The following CELF1 variants were observed in gnomAD, a reference collection of about 807,000 sequenced individuals.
The protein encoded by CELF1 is 50 kDa nuclear polyadenylated RNA-binding protein.
A neutral mutation model predicts 61.8 loss-of-function variants in CELF1; 10 were observed. The ratio of observed to expected loss-of-function variants is 0.16; its 90% CI spans 0.10 to 0.27. CELF1 has a LOEUF of 0.27. CELF1 is among the 10% of genes least tolerant of loss of function. The pLI, the probability that CELF1 is intolerant of heterozygous loss-of-function variation, is 1.00. For synonymous variants in CELF1, 236 were observed against 225.1 expected, an observed-to-expected ratio of 1.05 and a Z score of -0.43; for missense variants, 380 against 639.1, an observed-to-expected ratio of 0.59 and a Z score of 4.37.
At chr11:47,550,036 C>T (rs981364072) in intron 1 of CELF1, among the ~76,000 whole-genome samples, 2 of 151,632 alleles carry the variant, frequency 1.3e-5, no homozygotes, top group Admixed American at 6.6e-5. Context: ...AGGCTGGTCT[C>T]GAACTCCTGA....
At chr11:47,478,856 C>T (rs1358085755) in intron 10 of CELF1, 21 bp downstream of exon 10, 3 of 1,597,204 alleles carry the variant, frequency 1.9e-6, no homozygotes, top group Non-Finnish European at 2.6e-6. Context: ...TGCTGCTCCT[C>T]TGCAGCAGTG....
intron 1 of CELF1, among the ~76,000 whole-genome samples, chr11:47,520,038 T>C (rs1039288041): frequency 1.6e-4 from 24 of 148,842 alleles, no homozygotes; most frequent in African/African-American, 4.9e-4. Context: ...GATCTATCAA[T>C]CAAAAAAGCA....
intron 1 of CELF1, among the ~76,000 whole-genome samples, chr11:47,534,885 C>T (rs1456884484): frequency 7.2e-5 from 11 of 152,072 alleles, no homozygotes; most frequent in Admixed American, 7.2e-4. Context: ...CACTCAGTTC[C>T]CTGGAGACCC....
intron 2 of CELF1, among the ~76,000 whole-genome samples, chr11:47,559,072 AT>A (rs1376889199): frequency 7.0e-6 from 1 of 142,760 alleles, no homozygotes; most frequent in Non-Finnish European, 1.5e-5. Context: ...ATATAATAAT[AT>A]AATATATAAT....
chr11:47,528,453 T>A (rs188974634), intron 1 of CELF1, among the ~76,000 whole-genome samples: 1 of 151,938 alleles, frequency 6.6e-6, no homozygotes, highest in Non-Finnish European at 1.5e-5. Context: ...CACATTTTTT[T>A]AAAAAGTTAA....
intron 1 of CELF1, among the ~76,000 whole-genome samples, chr11:47,547,058 T>A: frequency 6.9e-5 from 1 of 14,424 alleles, no homozygotes. Context: ...AAAGCGAAAC[T>A]CCACCTCAAA....
intron 1 of CELF1, among the ~76,000 whole-genome samples, chr11:47,541,271 TCA>T (rs1458113089): frequency 3.1e-5 from 4 of 129,572 alleles, no homozygotes; most frequent in South Asian, 5.6e-4. Flanking sequence ...TCATACATAT[TCA>T]CACAGTCTGC....
chr11:47,479,874 G>A (rs112011619), intron 9 of CELF1, among the ~76,000 whole-genome samples: 224 of 152,064 alleles, frequency 1.5e-3, no homozygotes, highest in African/African-American at 5.0e-3. Context: ...AGAGACCATG[G>A]ATAAGTTTCA....
intron 1 of CELF1, among the ~76,000 whole-genome samples, chr11:47,522,254 GGTGGCTCAA>G (rs761201058): frequency 7.9e-5 from 12 of 151,764 alleles, no homozygotes; most frequent in Non-Finnish European, 1.3e-4. Context: ...GGCCGGGCAT[GGTGGCTCAA>G]GCCTGTAACC....
chr11:47,480,773 G>A (rs915739378), intron 9 of CELF1, among the ~76,000 whole-genome samples: 1 of 152,100 alleles, frequency 6.6e-6, no homozygotes. Context: ...AGTGGTTCAC[G>A]CCTGTAATCC....
intron 1 of CELF1, among the ~76,000 whole-genome samples, chr11:47,513,038 T>C (rs1304137603): frequency 6.6e-6 from 1 of 152,204 alleles, no homozygotes; most frequent in African/African-American, 2.4e-5. Context: ...CTTAGAATGG[T>C]CCCCTCTTGG....
rs1271855547 is a variant in CELF1 at position 47,468,303 on chromosome 11, T to TGAGA, written c.*3923_*3926dup. The stretch of plus-strand genomic sequence containing the variant: ...AGGGGGTTCAGGTGCTCTCCGCAGT[T>TGAGA]GAGAACTCAGAAGAAAAACAAAAGA... On this transcript the variant is annotated 3_prime_UTR_variant, in exon 15 of 15. Transcript: ENST00000687097. 1 of 152,170 alleles carries TGAGA rather than the reference T, an allele frequency of 6.6e-6. No individual in the cohort carries two copies. The highest frequency in any genetic ancestry group is 1.5e-5 in the Non-Finnish European group (1 of 68,042). The allele number at this position is 152,170 out of a possible 1,614,324, so 9.4% of individuals were successfully genotyped here. A position where few individuals can be genotyped will look rare whatever the true frequency, so the allele number is the denominator to read the frequency against.
chr11:47,545,715 G>GTAACTGTA (rs2096916530), intron 1 of CELF1, among the ~76,000 whole-genome samples: 1 of 151,788 alleles, frequency 6.6e-6, no homozygotes, highest in Non-Finnish European at 1.5e-5. Flanking sequence ...ATTTTTTGTA[G>GTAACTGTA]AGATGAGGTC....
At chr11:47,529,991 G>GA (rs2096410284) in intron 1 of CELF1, among the ~76,000 whole-genome samples, 2 of 152,154 alleles carry the variant, frequency 1.3e-5, no homozygotes, top group South Asian at 4.1e-4. Context: ...GTATATAAAA[G>GA]AAAAAATTAG....
intron 7 of CELF1, 83 bp downstream of exon 7, chr11:47,484,306 G>C: frequency 2.1e-6 from 3 of 1,458,712 alleles, no homozygotes; most frequent in Non-Finnish European, 2.8e-6. Flanking sequence ...GAGAGAGCAA[G>C]ACCTTGTCTC....
chr11:47,506,138 A>T (rs1005109200), intron 1 of CELF1, among the ~76,000 whole-genome samples: 5 of 149,526 alleles, frequency 3.3e-5, no homozygotes, highest in Non-Finnish European at 6.0e-5. Context: ...AAAAAAAAAA[A>T]TTTGCAGGCT....
chr11:47,546,263 CCGGGGG>C (rs1491136924), intron 1 of CELF1, among the ~76,000 whole-genome samples: 25 of 100,922 alleles, frequency 2.5e-4, no homozygotes, highest in Admixed American at 1.7e-3. Flanking sequence ...TGGGCGGGGG[CCGGGGG>C]CGGGGGCGGG....
At chr11:47,523,374 C>T (rs1031850028) in intron 1 of CELF1, 5 of 152,052 alleles carry the variant, frequency 3.3e-5, no homozygotes, top group African/African-American at 9.7e-5. Flanking sequence ...GAGAAGGGCA[C>T]TAAGAATAGC....
intron 1 of CELF1, among the ~76,000 whole-genome samples, chr11:47,535,192 A>ATT (rs1322074290): frequency 1.3e-5 from 2 of 152,120 alleles, no homozygotes; most frequent in Admixed American, 1.3e-4. Flanking sequence ...CCTGGCACAA[A>ATT]TTTCAAGAGT....
Sources: gnomAD v4.1 joint callset for allele counts (sites outside exome capture counted in the v4.1 genomes callset) on GRCh38, gnomAD v4.1.1 for gene constraint, MANE v1.5 for transcripts, NCBI Gene and HGNC (gene_info 2026-07-23, HGNC 2026-07-21) for gene names.